Variants in CDKAL1 observed in about 807,000 individuals in gnomAD.
The protein encoded by CDKAL1 is CDKAL1 threonylcarbamoyladenosine tRNA methylthiotransferase.
Under a neutral mutation model 68.2 loss-of-function variants are expected in CDKAL1, and 32 were observed. That is an observed-to-expected ratio of 0.47 (90% CI 0.35 to 0.63). The LOEUF (loss-of-function observed/expected upper bound fraction) is 0.63, where lower values mean the gene tolerates loss of function less well. Among genes scored for constraint, CDKAL1 ranks in the 30% least tolerant of loss-of-function variants. The pLI, the probability that CDKAL1 is intolerant of heterozygous loss-of-function variation, is 0.00. For synonymous variants in CDKAL1, 234 were observed against 244.3 expected, an observed-to-expected ratio of 0.96 and a Z score of 0.39; for missense variants, 606 against 696.7, an observed-to-expected ratio of 0.87 and a Z score of 1.47.
chr6:20,895,933 T>C (rs1761657738), intron 9 of CDKAL1, among the ~76,000 whole-genome samples: 1 of 152,096 alleles, frequency 6.6e-6, no homozygotes, highest in Admixed American at 6.6e-5. Context: ...CTGCAGCCTC[T>C]GATATGCCAC....
intron 11 of CDKAL1, among the ~76,000 whole-genome samples, chr6:21,063,249 A>G (rs754889558): frequency 1.9e-4 from 29 of 152,190 alleles, no homozygotes; most frequent in Non-Finnish European, 3.5e-4. Flanking sequence ...TTGATATTCT[A>G]TGTTTTGACA....
At chr6:20,776,829 A>G (rs1261327478) in intron 7 of CDKAL1, among the ~76,000 whole-genome samples, 1 of 152,210 alleles carries the variant, frequency 6.6e-6, no homozygotes, top group East Asian at 1.9e-4. Flanking sequence ...CTGTGGTATT[A>G]ATGCTGGGGC....
At chr6:20,683,536 A>G (rs1241912238) in intron 5 of CDKAL1, among the ~76,000 whole-genome samples, 1 of 152,176 alleles carries the variant, frequency 6.6e-6, no homozygotes, top group Non-Finnish European at 1.5e-5. Flanking sequence ...TTTCTCTCAC[A>G]GTGATTTTTT....
At chr6:20,801,861 T>C (rs1245627990) in intron 8 of CDKAL1, among the ~76,000 whole-genome samples, 1 of 152,214 alleles carries the variant, frequency 6.6e-6, no homozygotes, top group African/African-American at 2.4e-5. Flanking sequence ...ATGGAAATAA[T>C]AGATTATTTT....
chr6:21,010,899 T>C (rs1582022265), intron 11 of CDKAL1, among the ~76,000 whole-genome samples: 1 of 151,604 alleles, frequency 6.6e-6, no homozygotes, highest in Admixed American at 6.6e-5. Context: ...CTGGCTAACA[T>C]GGTGAACCCT....
At chr6:21,184,796 A>G (rs1777940425) in intron 13 of CDKAL1, among the ~76,000 whole-genome samples, 1 of 149,692 alleles carries the variant, frequency 6.7e-6, no homozygotes, top group East Asian at 2.0e-4. Flanking sequence ...AGCTAGGACT[A>G]CAGGTGTGCA....
intron 11 of CDKAL1, among the ~76,000 whole-genome samples, chr6:21,015,648 C>T (rs952830413): frequency 1.3e-5 from 2 of 151,988 alleles, no homozygotes; most frequent in Non-Finnish European, 1.5e-5. Flanking sequence ...TCGTGATAGC[C>T]GGGTGCGGTG....
At chr6:20,560,433 G>A (rs1039976894) in intron 4 of CDKAL1, among the ~76,000 whole-genome samples, 12 of 152,060 alleles carry the variant, frequency 7.9e-5, no homozygotes, top group African/African-American at 2.7e-4. Context: ...TTGCTCTGTT[G>A]CCCTGACTGT....
chr6:20,588,070 C>A (rs1229494490), intron 4 of CDKAL1, among the ~76,000 whole-genome samples: 1 of 152,140 alleles, frequency 6.6e-6, no homozygotes, highest in African/African-American at 2.4e-5. Context: ...GCACTCCAGC[C>A]TGGGCGACAG....
intron 5 of CDKAL1, among the ~76,000 whole-genome samples, chr6:20,703,975 A>G (rs929038552): frequency 6.6e-6 from 1 of 152,232 alleles, no homozygotes; most frequent in Non-Finnish European, 1.5e-5. Flanking sequence ...TAATAAAATT[A>G]TGTCTTTATT....
intron 10 of CDKAL1, among the ~76,000 whole-genome samples, chr6:20,996,558 A>G (rs557897196): frequency 2.0e-5 from 3 of 152,336 alleles, no homozygotes; most frequent in African/African-American, 7.2e-5. Flanking sequence ...CAGAACACAC[A>G]CAACATTTAT....
At chr6:20,725,804 A>AAG (rs1554185827) in intron 5 of CDKAL1, among the ~76,000 whole-genome samples, 4 of 148,892 alleles carry the variant, frequency 2.7e-5, no homozygotes, top group Admixed American at 1.3e-4. Context: ...AAAAAAAAAA[A>AAG]GAAAAAGTTA....
intron 4 of CDKAL1, among the ~76,000 whole-genome samples, chr6:20,644,697 A>AC (rs1033484515): frequency 2.0e-5 from 3 of 151,846 alleles, no homozygotes; most frequent in Admixed American, 6.6e-5. Context: ...AAACACAACA[A>AC]AAAAAAGAAT....
rs550669626 is a variant in CDKAL1, at chr6:20,761,947, T to G, written c.517+3304T>G. On this transcript the variant is annotated intron_variant, in intron 7 of 15. Transcript: ENST00000274695. ...GATGAAAATGATGTGTCAGTGTAGG[T>G]TCATTGATTGTAACAAACGTACCAC... Among the ~76,000 whole-genome samples, 3 of 152,256 alleles carry G rather than the reference T, an allele frequency of 2.0e-5. No homozygotes were observed. In the East Asian group the frequency reaches 5.8e-4, roughly 29 times the overall value.
chr6:20,794,501 T>C (rs1374839165), intron 8 of CDKAL1, among the ~76,000 whole-genome samples: 2 of 152,162 alleles, frequency 1.3e-5, no homozygotes, highest in African/African-American at 4.8e-5. Context: ...GGGTAGACTT[T>C]GTAAAATACT....
intron 13 of CDKAL1, among the ~76,000 whole-genome samples, chr6:21,119,160 G>A (rs2151005579): frequency 6.6e-6 from 1 of 151,892 alleles, no homozygotes; most frequent in South Asian, 2.1e-4. Context: ...CTTTCTTCCT[G>A]TTGAGAACTT....
chr6:20,956,334 T>C (rs1230572523), intron 10 of CDKAL1, among the ~76,000 whole-genome samples: 1 of 152,178 alleles, frequency 6.6e-6, no homozygotes, highest in Non-Finnish European at 1.5e-5. Flanking sequence ...TGGGCATATG[T>C]CCAGGTAACT....
chr6:20,818,987 G>A (rs1777163499), intron 8 of CDKAL1, among the ~76,000 whole-genome samples: 1 of 151,936 alleles, frequency 6.6e-6, no homozygotes, highest in Non-Finnish European at 1.5e-5. Context: ...ACAAGTGCTT[G>A]GTTGATTTAC....
Position 21,171,454 on chromosome 6 carries a change from C to T in CDKAL1, c.1300-26567C>T, listed in dbSNP as rs62404510. Among the ~76,000 whole-genome samples, 1,485 of 152,128 alleles carry T rather than the reference C, an allele frequency of 9.8e-3. 10 individuals are homozygous for T. The highest frequency in any genetic ancestry group is 0.015 in the Non-Finnish European group (1,023 of 68,000). ...GTCTCGATCTCCTGACCTCGTGATCCGCCCACCTTGGCCTCCCAAAGTGCT... is the reference window on the plus strand; with the variant it reads ...GTCTCGATCTCCTGACCTCGTGATCTGCCCACCTTGGCCTCCCAAAGTGCT... On this transcript the variant is annotated intron_variant, in intron 13 of 15. Coordinates refer to ENST00000274695, the MANE Select transcript of CDKAL1 (RefSeq NM_017774.3).
Sources: allele counts gnomAD v4.1 joint callset (sites outside exome capture counted in the v4.1 genomes callset), GRCh38; gene constraint gnomAD v4.1.1; transcripts MANE v1.5; gene names NCBI Gene and HGNC (gene_info 2026-07-23, HGNC 2026-07-21).